The following IGF2BP2 variants were observed in gnomAD, a reference collection of about 807,000 sequenced individuals.
The protein encoded by IGF2BP2 is insulin like growth factor 2 mRNA binding protein 2.
IGF2BP2 carries 17 observed loss-of-function variants against 75.8 expected under a neutral mutation model. The ratio of observed to expected loss-of-function variants is 0.22; its 90% confidence interval spans 0.15 to 0.34. The LOEUF (loss-of-function observed/expected upper bound fraction) is 0.34, where lower values mean the gene tolerates loss of function less well. Among genes scored for constraint, IGF2BP2 ranks in the 10% least tolerant of loss-of-function variants. IGF2BP2 has a pLI of 1.00. For synonymous variants in IGF2BP2, 288 were observed against 295.6 expected, an observed-to-expected ratio of 0.97 and a Z score of 0.26; for missense variants, 516 against 772.4, an observed-to-expected ratio of 0.67 and a Z score of 3.93.
In IGF2BP2 at chr3:185,689,160, C is replaced by T. The variant is rs1182768565; in HGVS notation, c.677+195G>A. 6 of 604,842 alleles carry T rather than the reference C, an allele frequency of 9.9e-6. No homozygotes were observed. The East Asian group carries it at 1.1e-4, about 12-fold the overall frequency. 37.5% of individuals were successfully genotyped at this position (604,842 alleles called of 1,614,324 possible). A position where few individuals can be genotyped will look rare whatever the true frequency, so the allele number is the denominator to read the frequency against. On this transcript the variant is annotated intron_variant, in intron 6 of 15. Coordinates refer to ENST00000382199, the MANE Select transcript of IGF2BP2 (RefSeq NM_006548.6). ...AGTACCCTCTTTATGAACTTTTAGCCTCTCAGCATGAAAGCTTGTCACAGC... is the reference window on the plus strand; with the variant it reads ...AGTACCCTCTTTATGAACTTTTAGCTTCTCAGCATGAAAGCTTGTCACAGC...
intron 2 of IGF2BP2, among the ~76,000 whole-genome samples, chr3:185,702,763 C>T (rs1723489581): frequency 6.6e-6 from 1 of 152,164 alleles, no homozygotes; most frequent in South Asian, 2.1e-4. Context: ...TATCTTTAAA[C>T]ACTCCTTCAC....
intron 2 of IGF2BP2, among the ~76,000 whole-genome samples, chr3:185,820,218 ATGTG>A (rs1560522489): frequency 1.7e-4 from 25 of 143,812 alleles, no homozygotes; most frequent in African/African-American, 6.2e-4. Context: ...GTGTGTGTGT[ATGTG>A]TATATATACA....
chr3:185,794,721 G>A (rs1737120297), intron 2 of IGF2BP2, among the ~76,000 whole-genome samples: 1 of 150,918 alleles, frequency 6.6e-6, no homozygotes, highest in Non-Finnish European at 1.5e-5. Flanking sequence ...GTGGTGGTAA[G>A]TACATTCATG....
intron 2 of IGF2BP2, among the ~76,000 whole-genome samples, chr3:185,788,517 GTAA>G (rs960784000): frequency 6.6e-6 from 1 of 151,932 alleles, no homozygotes; most frequent in African/African-American, 2.4e-5. Flanking sequence ...ATCTCTAAAA[GTAA>G]TAATAATAAT....
intron 10 of IGF2BP2, among the ~76,000 whole-genome samples, chr3:185,664,025 G>C (rs11716502): frequency 6.6e-6 from 1 of 152,354 alleles, no homozygotes; most frequent in South Asian, 2.1e-4. Flanking sequence ...ATGGGCCTTA[G>C]GAAGGGGCGA....
intron 2 of IGF2BP2, among the ~76,000 whole-genome samples, chr3:185,732,283 C>T (rs750984968): frequency 7.9e-5 from 12 of 152,140 alleles, no homozygotes; most frequent in African/African-American, 2.4e-4. Context: ...GCATGCAGAG[C>T]GAAACTCAGA....
chr3:185,647,662 C>T lies in IGF2BP2; in HGVS notation c.1594-524G>A, dbSNP rs1352056105. ...TACCCTTGGATTGTTGTCCTCTCTC[C>T]CGGCCACTGGATCCCACCCCAGGCC... On this transcript the variant is annotated intron_variant, in intron 14 of 15. Coordinates refer to ENST00000382199, the MANE Select transcript of IGF2BP2 (RefSeq NM_006548.6). The surrounding 1 kb of genome is among the most constrained non-coding windows in gnomAD (Gnocchi z 4.9). Among the ~76,000 whole-genome samples, 1 of 152,192 alleles carries T rather than the reference C, an allele frequency of 6.6e-6. No homozygotes were observed. Among genetic ancestry groups the T allele is most frequent in the Non-Finnish European group, 1.5e-5 (1 of 68,050 alleles).
At chr3:185,727,192 TG>T (rs1727455330) in intron 2 of IGF2BP2, among the ~76,000 whole-genome samples, 1 of 140,720 alleles carries the variant, frequency 7.1e-6, no homozygotes. Context: ...AACTCCAGCC[TG>T]GGCGACAGAG....
At chr3:185,722,990 G>A (rs1726784614) in intron 2 of IGF2BP2, among the ~76,000 whole-genome samples, 1 of 152,144 alleles carries the variant, frequency 6.6e-6, no homozygotes, top group Non-Finnish European at 1.5e-5. Flanking sequence ...TGTTCCCAAA[G>A]GGGTATGTCA....
chr3:185,725,224 T>C (rs1400382607), intron 2 of IGF2BP2: 4 of 152,248 alleles, frequency 2.6e-5, no homozygotes, highest in Non-Finnish European at 4.4e-5. Flanking sequence ...GTGGTTATTT[T>C]ATGCCACTTT....
chr3:185,787,459 G>A (rs1027031999), intron 2 of IGF2BP2, among the ~76,000 whole-genome samples: 30 of 152,176 alleles, frequency 2.0e-4, no homozygotes, highest in Non-Finnish European at 3.5e-4. Flanking sequence ...CAGGCCGGGC[G>A]CGGCGGCTCA....
At chr3:185,759,833 T>G (rs1732119851) in intron 2 of IGF2BP2, among the ~76,000 whole-genome samples, 1 of 152,246 alleles carries the variant, frequency 6.6e-6, no homozygotes, top group African/African-American at 2.4e-5. Context: ...CAGCGAAAGA[T>G]AATATCCATT....
At chr3:185,766,495 C>G (rs1733084214) in intron 2 of IGF2BP2, among the ~76,000 whole-genome samples, 1 of 151,950 alleles carries the variant, frequency 6.6e-6, no homozygotes. Context: ...ATACAAAATT[C>G]AAATCTCAGT....
intron 2 of IGF2BP2, among the ~76,000 whole-genome samples, chr3:185,802,355 G>A (rs1045062381): frequency 1.9e-5 from 2 of 104,184 alleles, no homozygotes; most frequent in African/African-American, 9.0e-5. Context: ...TAAGGCTGGT[G>A]TTGGAATGGT....
chr3:185,792,373 G>A (rs1388167128), intron 2 of IGF2BP2, among the ~76,000 whole-genome samples: 1 of 152,194 alleles, frequency 6.6e-6, no homozygotes, highest in Non-Finnish European at 1.5e-5. Flanking sequence ...GGGAGGCTGA[G>A]GCAATTGGAT....
rs114632692 is a variant in IGF2BP2, at chr3:185,677,208, C to T, written c.813-1295G>A. 4.2e-3 allele frequency among the ~76,000 whole-genome samples: 641 copies of T among 151,252 alleles called. 5 individuals carry two copies. The highest frequency in any genetic ancestry group is 0.015 in the African/African-American group (605 of 41,188). On this transcript the variant is annotated intron_variant, in intron 7 of 15. Transcript: ENST00000382199. ...AGCAAAGGGGAGGAAACCCTAAAGG[C>T]TGGGCTCCTCCTTTGGGACAGAAAC...
intron 2 of IGF2BP2, among the ~76,000 whole-genome samples, chr3:185,750,028 A>G (rs1006428331): frequency 2.6e-5 from 4 of 152,242 alleles, no homozygotes; most frequent in African/African-American, 4.8e-5. Flanking sequence ...ACTTTAGCAC[A>G]CTTAAGAAGT....
chr3:185,654,859 A>C (rs1442189637), intron 12 of IGF2BP2, among the ~76,000 whole-genome samples: 2 of 152,206 alleles, frequency 1.3e-5, no homozygotes, highest in African/African-American at 2.4e-5. Flanking sequence ...CTCAGCTCTC[A>C]CCTGCAGCCA....
At chr3:185,651,606 T>C (rs1714614302) in intron 13 of IGF2BP2, among the ~76,000 whole-genome samples, 1 of 152,210 alleles carries the variant, frequency 6.6e-6, no homozygotes, top group African/African-American at 2.4e-5. Context: ...TGTACTTTTA[T>C]AAATAAATAA....
Sources: gnomAD v4.1 joint callset for allele counts (sites outside exome capture counted in the v4.1 genomes callset) on GRCh38, gnomAD v4.1.1 for gene constraint, Gnocchi (gnomAD v3.1) non-coding constraint, MANE v1.5 for transcripts, NCBI Gene and HGNC (gene_info 2026-07-23, HGNC 2026-07-21) for gene names.